ARHGEF12: variants seen among roughly 807,000 people sequenced by gnomAD.
The protein encoded by ARHGEF12 is Rho guanine nucleotide exchange factor 12.
Under a neutral mutation model 211.2 loss-of-function variants are expected in ARHGEF12, and 66 were observed. That is an observed-to-expected ratio of 0.31 (90% CI 0.26 to 0.38). ARHGEF12 has a LOEUF of 0.38. ARHGEF12 is among the 10% of genes least tolerant of loss of function. The probability of loss-of-function intolerance (pLI) is 1.00; values close to 1 mark genes in which losing one functional copy is unlikely to be tolerated. For missense variants in ARHGEF12, 1,429 were observed against 1,869.5 expected, an observed-to-expected ratio of 0.76 and a Z score of 4.34; for synonymous variants, 592 against 638.4, an observed-to-expected ratio of 0.93 and a Z score of 1.09.
intron 1 of ARHGEF12, among the ~76,000 whole-genome samples, chr11:120,399,170 T>A (rs1281237015): frequency 6.7e-6 from 1 of 150,264 alleles, no homozygotes; most frequent in African/African-American, 2.4e-5. Flanking sequence ...TCTTAAAAAA[T>A]TTAGCTGGGT....
chr11:120,375,278 C>T (rs951543689), intron 1 of ARHGEF12, among the ~76,000 whole-genome samples: 1 of 152,084 alleles, frequency 6.6e-6, no homozygotes, highest in African/African-American at 2.4e-5. Context: ...TTGGTATAAT[C>T]CATGGGAGTC....
intron 1 of ARHGEF12, among the ~76,000 whole-genome samples, chr11:120,358,728 G>T (rs1943198999): frequency 6.6e-6 from 1 of 152,160 alleles, no homozygotes; most frequent in South Asian, 2.1e-4. Flanking sequence ...ACTGTTGGTT[G>T]ATCATAGAAC....
chr11:120,442,176 C>A lies in ARHGEF12; in HGVS notation c.1276C>A (p.His426Asn). Residue 426 changes from histidine (H) to asparagine (N), a missense_variant, in exon 15 of 41, where the codon CAT becomes AAT. Transcript: ENST00000397843. ...AACTCGTCGCATCTTCCTTGAGTTT[C>A]ATCAGTTCTTTCTAGATCGATCAGC... is the stretch of plus-strand genomic sequence containing the variant. ...KETRRIFLEF[H>N]QFFLDRSAHL... is the part of the protein sequence containing the mutation. The A allele has an allele frequency of 6.2e-7, 1 of 1,610,310 alleles. No individual in the cohort carries two copies. Among genetic ancestry groups the A allele is most frequent in the Non-Finnish European group, 8.5e-7 (1 of 1,179,100 alleles).
At chr11:120,407,966 C>A in intron 3 of ARHGEF12, 143 bp downstream of exon 3, 1 of 639,438 alleles carries the variant, frequency 1.6e-6, no homozygotes. Flanking sequence ...CATAATAAAG[C>A]CTTTGCATTT....
intron 1 of ARHGEF12, among the ~76,000 whole-genome samples, chr11:120,401,847 A>C (rs1944555820): frequency 6.6e-6 from 1 of 152,184 alleles, no homozygotes; most frequent in African/African-American, 2.4e-5. Flanking sequence ...ATTTCTATGC[A>C]TTTTACTTAG....
At chr11:120,411,344 C>T (rs1482412608) in intron 4 of ARHGEF12, 1 of 152,096 alleles carries the variant, frequency 6.6e-6, no homozygotes, top group East Asian at 1.9e-4. Context: ...GAATAGACGT[C>T]TTTAGATTAC....
chr11:120,478,575 C>A (rs907458677), intron 37 of ARHGEF12, among the ~76,000 whole-genome samples, 186 bp downstream of exon 37: 6 of 152,200 alleles, frequency 3.9e-5, no homozygotes, highest in Non-Finnish European at 7.3e-5. Flanking sequence ...CTCCCCACCC[C>A]CCTGCCTGGT....
chr11:120,405,700 G>A (rs1464593168), intron 1 of ARHGEF12, among the ~76,000 whole-genome samples: 4 of 152,144 alleles, frequency 2.6e-5, no homozygotes, highest in Middle Eastern at 3.4e-3. Flanking sequence ...TATTTTAATG[G>A]CAAAATATTT....
chr11:120,409,346 G>A (rs756742321), intron 3 of ARHGEF12, 48 bp from the exon 4 acceptor site: 8 of 1,587,200 alleles, frequency 5.0e-6, no homozygotes, highest in South Asian at 1.1e-5. Context: ...CCCTTACATT[G>A]TCTCCATATT....
rs946854219 is a variant in ARHGEF12 at position 120,384,877 on chromosome 11, G to T, written c.33-21241G>T. On this transcript the variant is annotated intron_variant, in intron 1 of 40. Transcript: ENST00000397843. ...AGGGGTAATACTAGCAACAAAAGGAGATTTTTTTTTTTTTTTTTGTAAATC... is the reference window on the plus strand; with the variant it reads ...AGGGGTAATACTAGCAACAAAAGGATATTTTTTTTTTTTTTTTTGTAAATC... 9.2e-5 allele frequency among the ~76,000 whole-genome samples: 13 copies of T among 140,870 alleles called. No individual in the cohort carries two copies. The East Asian group carries it at 1.4e-3, about 16-fold the overall frequency. 92.4% of individuals were successfully genotyped at this position (140,870 alleles called of 152,430 possible). A position where few individuals can be genotyped will look rare whatever the true frequency, so the allele number is the denominator to read the frequency against.
At chr11:120,340,743 A>G (rs1037299249) in intron 1 of ARHGEF12, among the ~76,000 whole-genome samples, 2 of 152,260 alleles carry the variant, frequency 1.3e-5, no homozygotes, top group Non-Finnish European at 2.9e-5. Context: ...ATGGGGGCCA[A>G]AGATCACAGT....
chr11:120,442,256 C>A, intron 15 of ARHGEF12, 54 bp downstream of exon 15: 1 of 1,306,552 alleles, frequency 7.7e-7, no homozygotes, highest in Non-Finnish European at 1.1e-6. Context: ...GAATTATTGT[C>A]CTCCTGCTTC....
chr11:120,389,190 T>C (rs536204768), intron 1 of ARHGEF12, among the ~76,000 whole-genome samples: 1 of 152,326 alleles, frequency 6.6e-6, no homozygotes, highest in South Asian at 2.1e-4. Context: ...TTTAGGTATA[T>C]GATTTAGAAA....
chr11:120,424,649 C>T (rs903785979), intron 7 of ARHGEF12, among the ~76,000 whole-genome samples: 2 of 152,112 alleles, frequency 1.3e-5, no homozygotes, highest in Non-Finnish European at 2.9e-5. Context: ...TGGTTTAGCC[C>T]CTTGGCTGGA....
chr11:120,424,326 A>G, intron 6 of ARHGEF12, 32 bp from the exon 7 acceptor site: 3 of 1,550,868 alleles, frequency 1.9e-6, no homozygotes, highest in Non-Finnish European at 2.7e-6. Context: ...AATAGAATGT[A>G]TCTGACATAC....
At chr11:120,382,698 G>T (rs1165794880) in intron 1 of ARHGEF12, among the ~76,000 whole-genome samples, 1 of 152,106 alleles carries the variant, frequency 6.6e-6, no homozygotes, top group African/African-American at 2.4e-5. Context: ...CTCTCTCATT[G>T]TGGTTTTAAT....
intron 37 of ARHGEF12, 74 bp downstream of exon 37, chr11:120,478,463 A>G: frequency 7.5e-7 from 1 of 1,336,778 alleles, no homozygotes; most frequent in South Asian, 1.3e-5. Flanking sequence ...AAGTATGTGG[A>G]TTTATCAAAC....
At chr11:120,472,080 A>G (rs547811465) in intron 30 of ARHGEF12, among the ~76,000 whole-genome samples, 9 of 152,296 alleles carry the variant, frequency 5.9e-5, no homozygotes, top group African/African-American at 1.2e-4. Flanking sequence ...ATAACTCTCT[A>G]TATGTGCTAA....
Position 120,447,059 on chromosome 11 carries a change from G to C in ARHGEF12, c.1563G>C (p.Gln521His). The C allele has an allele frequency of 6.2e-7, 1 of 1,613,944 alleles. No homozygotes were observed. Among genetic ancestry groups the C allele is most frequent in the Non-Finnish European group, 8.5e-7 (1 of 1,179,918 alleles). ...AGAAGGAGCGGACATGTGCAGAACA[G>C]ATTGTTGCCAAAATTGAAGAAGTAT... Reference protein sequence around the residue: ...TLEKERTCAEQIVAKIEEVLM... With the variant: ...TLEKERTCAEHIVAKIEEVLM... The change falls in exon 18 of 41, where the codon CAG becomes CAC. Residue 521 changes from glutamine to histidine, a missense_variant. Gln to His is a conservative substitution (Grantham distance 24). Around this residue, in one of 7 missense-constraint regions of ARHGEF12, gnomAD observed 373 missense variants for 467.5 expected, o/e 0.80. Coordinates refer to ENST00000397843, the MANE Select transcript of ARHGEF12 (RefSeq NM_015313.3).
Sources: allele counts gnomAD v4.1 joint callset (sites outside exome capture counted in the v4.1 genomes callset), GRCh38; gene constraint gnomAD v4.1.1; regional missense constraint gnomAD v4.1.1; transcripts MANE v1.5; gene names NCBI Gene and HGNC (gene_info 2026-07-23, HGNC 2026-07-21).